GRID2: variants seen among roughly 807,000 people sequenced by gnomAD.
The protein encoded by GRID2 is glutamate ionotropic receptor delta type subunit 2.
In GRID2, 33 loss-of-function variants were observed where a neutral mutation model predicts 114.8. The observed-to-expected ratio is 0.29, with a 90% CI of 0.22 to 0.38. The LOEUF is 0.38. GRID2 is among the 10% of genes least tolerant of loss of function. The probability of loss-of-function intolerance (pLI) is 1.00; values close to 1 mark genes in which losing one functional copy is unlikely to be tolerated. For missense variants in GRID2, 1,184 were observed against 1,257.7 expected, an observed-to-expected ratio of 0.94 and a Z score of 0.89; for synonymous variants, 505 against 449.9, an observed-to-expected ratio of 1.12 and a Z score of -1.55.
At chr4:93,060,922 G>T (rs1194561479) in intron 2 of GRID2, among the ~76,000 whole-genome samples, 1 of 151,960 alleles carries the variant, frequency 6.6e-6, no homozygotes, top group Non-Finnish European at 1.5e-5. Context: ...GGCCAAAATG[G>T]TGAAACCCCA....
chr4:93,378,888 G>A (rs1038585142), intron 8 of GRID2, among the ~76,000 whole-genome samples: 1 of 151,870 alleles, frequency 6.6e-6, no homozygotes, highest in East Asian at 1.9e-4. Context: ...TTATTTTTTT[G>A]GTTGGATAGA....
At chr4:93,255,867 C>T (rs1185196911) in intron 8 of GRID2, among the ~76,000 whole-genome samples, 2 of 151,960 alleles carry the variant, frequency 1.3e-5, no homozygotes, top group African/African-American at 4.8e-5. Context: ...CCTATTAGAG[C>T]CCCACAAAAT....
intron 2 of GRID2, among the ~76,000 whole-genome samples, chr4:92,688,533 A>G (rs2149290828): frequency 6.6e-6 from 1 of 152,352 alleles, no homozygotes; most frequent in Non-Finnish European, 1.5e-5. Flanking sequence ...TACCAAAAAT[A>G]GATTCCACAT....
rs202170881 is a variant in GRID2, at chr4:92,381,146, A to T, written c.88+76402A>T. 9.9e-5 allele frequency among the ~76,000 whole-genome samples: 15 copies of T among 152,022 alleles called. No individual in the cohort carries two copies. The East Asian group carries it at 2.3e-3, about 23-fold the overall frequency. On this transcript the variant is annotated intron_variant, in intron 1 of 15. Coordinates refer to ENST00000282020, the MANE Select transcript of GRID2 (RefSeq NM_001510.4). The stretch of plus-strand genomic sequence containing the variant: ...GTAATGTACTTTAATCATCATAATA[A>T]CCTAATAAAATTGGTAACTATTATT...
At chr4:93,520,352 A>C (rs901730404) in intron 13 of GRID2, among the ~76,000 whole-genome samples, 2 of 152,138 alleles carry the variant, frequency 1.3e-5, no homozygotes, top group Non-Finnish European at 2.9e-5. Context: ...AAAAAAAAGC[A>C]GATCATGAAG....
chr4:93,457,661 A>C (rs765346896), intron 11 of GRID2, among the ~76,000 whole-genome samples: 10 of 152,150 alleles, frequency 6.6e-5, no homozygotes, highest in Non-Finnish European at 1.2e-4. Context: ...AGTCAAGAGG[A>C]GAGTATTGAT....
At chr4:93,575,927 C>G (rs1736379834) in intron 13 of GRID2, among the ~76,000 whole-genome samples, 1 of 152,116 alleles carries the variant, frequency 6.6e-6, no homozygotes. Flanking sequence ...GTTTTTAATT[C>G]TAAAAGGAGG....
intron 14 of GRID2, among the ~76,000 whole-genome samples, chr4:93,709,493 G>A (rs74772379): frequency 3.3e-5 from 5 of 151,988 alleles, no homozygotes; most frequent in Admixed American, 6.6e-5. Flanking sequence ...TTTCTCTTGC[G>A]GCTTTTAGAA....
Position 92,701,857 on chromosome 4 carries a change from C to T in GRID2, c.244+111571C>T, listed in dbSNP as rs568421159. On this transcript the variant is annotated intron_variant, in intron 2 of 15. Coordinates refer to ENST00000282020, the MANE Select transcript of GRID2 (RefSeq NM_001510.4). Reference sequence around the variant, plus strand: ...CATTAAAATTTTTGGTTAGGGCGACCTCGGGGCATAATCTAACCTCTGAGC... The same window carrying T: ...CATTAAAATTTTTGGTTAGGGCGACTTCGGGGCATAATCTAACCTCTGAGC... Among the ~76,000 whole-genome samples, 36 of 152,114 alleles carry T rather than the reference C, an allele frequency of 2.4e-4. 1 individual carries two copies. The highest frequency in any genetic ancestry group is 1.0e-3 in the South Asian group (5 of 4,818).
In GRID2 at chr4:92,939,854, T is replaced by G. The variant is rs1343735967; in HGVS notation, c.245-145141T>G. Among the ~76,000 whole-genome samples, 7 of 147,228 alleles carry G rather than the reference T, an allele frequency of 4.8e-5. 1 individual carries two copies. In the Admixed American group the frequency reaches 5.1e-4, roughly 11 times the overall value. On this transcript the variant is annotated intron_variant, in intron 2 of 15. Coordinates refer to ENST00000282020, the MANE Select transcript of GRID2 (RefSeq NM_001510.4). ...TCCTCATTTCTTGTTTTTGTCAGGT[T>G]TGTCAAAGATCAGATAGTTGTAGAT...
chr4:92,492,824 G>C (rs1319043011), intron 1 of GRID2, among the ~76,000 whole-genome samples: 3 of 151,876 alleles, frequency 2.0e-5, no homozygotes, highest in Non-Finnish European at 4.4e-5. Flanking sequence ...ACAATACCCA[G>C]GGCTAAATGG....
At chr4:93,113,340 A>G (rs78986881) in intron 4 of GRID2, among the ~76,000 whole-genome samples, 8,877 of 152,242 alleles carry the variant, frequency 0.058, 434 homozygotes, top group East Asian at 0.19. Flanking sequence ...TAAGTTGTCA[A>G]GATGACACAA....
At chr4:93,494,385 G>A (rs891024710) in intron 12 of GRID2, among the ~76,000 whole-genome samples, 4 of 151,848 alleles carry the variant, frequency 2.6e-5, no homozygotes, top group Admixed American at 1.3e-4. Flanking sequence ...GAGAGAGGGA[G>A]AGAAATCAGC....
intron 11 of GRID2, among the ~76,000 whole-genome samples, chr4:93,458,350 G>C (rs190023672): frequency 1.3e-5 from 2 of 152,294 alleles, no homozygotes; most frequent in East Asian, 3.9e-4. Context: ...TCAGAGGCCA[G>C]AGGCTAAAAT....
At chr4:92,606,595 C>G (rs1729464367) in intron 2 of GRID2, among the ~76,000 whole-genome samples, 1 of 151,998 alleles carries the variant, frequency 6.6e-6, no homozygotes, top group African/African-American at 2.4e-5. Context: ...TTGAAATTCA[C>G]TGTCTTGTCC....
intron 2 of GRID2, among the ~76,000 whole-genome samples, chr4:92,849,040 A>G (rs1013876372): frequency 6.6e-6 from 1 of 151,992 alleles, no homozygotes; most frequent in Non-Finnish European, 1.5e-5. Context: ...TAAGAGGCTT[A>G]ATAAACTAAT....
chr4:92,650,552 A>G (rs181433320), intron 2 of GRID2, among the ~76,000 whole-genome samples: 245 of 152,086 alleles, frequency 1.6e-3, no homozygotes, highest in Non-Finnish European at 2.1e-3. Flanking sequence ...AGCCAGTGCA[A>G]TAATTCCCTT....
chr4:93,085,502 C>A (rs928688789), intron 3 of GRID2, among the ~76,000 whole-genome samples: 2 of 152,128 alleles, frequency 1.3e-5, no homozygotes, highest in African/African-American at 2.4e-5. Context: ...CCTGTACCTA[C>A]TTAATGCTTA....
At chr4:92,399,865 T>C (rs1264474709) in intron 1 of GRID2, among the ~76,000 whole-genome samples, 1 of 152,192 alleles carries the variant, frequency 6.6e-6, no homozygotes, top group African/African-American at 2.4e-5. Context: ...GTTACAGATG[T>C]AGTTACTTTA....
Sources: allele counts gnomAD v4.1 joint callset (sites outside exome capture counted in the v4.1 genomes callset), GRCh38; gene constraint gnomAD v4.1.1; transcripts MANE v1.5; gene names NCBI Gene and HGNC (gene_info 2026-07-23, HGNC 2026-07-21).